GRIA1: variants seen among roughly 807,000 people sequenced by gnomAD.
The protein encoded by GRIA1 is glutamate receptor 1.
In GRIA1, 31 loss-of-function variants were observed where a neutral mutation model predicts 99.2. That is an observed-to-expected ratio of 0.31 (90% CI 0.23 to 0.42). The LOEUF is 0.42. Ranked by LOEUF, GRIA1 falls within the 10% of genes least tolerant of loss-of-function variation. The probability of loss-of-function intolerance (pLI) is 1.00; values close to 1 mark genes in which losing one functional copy is unlikely to be tolerated. For missense variants in GRIA1, 782 were observed against 1,157.5 expected (o/e 0.68, Z 4.71); for synonymous variants, 438 against 432.4 (o/e 1.01, Z -0.16).
intron 11 of GRIA1, among the ~76,000 whole-genome samples, chr5:153,761,710 G>C (rs1206325211): frequency 1.3e-5 from 2 of 152,114 alleles, no homozygotes; most frequent in African/African-American, 4.8e-5. Flanking sequence ...AGAGATATCT[G>C]GCACTTTCAT....
At chr5:153,569,960 C>CCTTA (rs1490125595) in intron 2 of GRIA1, among the ~76,000 whole-genome samples, 1 of 152,096 alleles carries the variant, frequency 6.6e-6, no homozygotes, top group Admixed American at 6.6e-5. Flanking sequence ...GCTTTATGAA[C>CCTTA]CTTAGGTTAC....
At chr5:153,686,376 AG>A in intron 8 of GRIA1, 47 bp downstream of exon 8, 1 of 1,433,164 alleles carries the variant, frequency 7.0e-7, no homozygotes, top group East Asian at 2.3e-5. Flanking sequence ...GAGGCTGAGC[AG>A]GGACTCTGGC....
rs966558077 is a variant in GRIA1, at chr5:153,699,171, A to G, written c.1452+98A>G. ...GTGGCCCTGCCCACAGATGTCTATG[A>G]AACCCTGTAATTGAGTGTTGTTGCT... is the stretch of plus-strand genomic sequence containing the variant. On this transcript the variant is annotated intron_variant, in intron 10 of 15. Transcript: ENST00000285900. 2.2e-5 allele frequency: 18 copies of G among 800,286 alleles called. No individual in the cohort carries two copies. In the Admixed American group the frequency reaches 2.6e-4, roughly 12 times the overall value. 49.6% of individuals were successfully genotyped at this position (800,286 alleles called of 1,614,324 possible).
chr5:153,673,887 T>C (rs182242484), intron 5 of GRIA1, among the ~76,000 whole-genome samples: 1 of 151,814 alleles, frequency 6.6e-6, no homozygotes, highest in East Asian at 1.9e-4. Flanking sequence ...CCTCATGGAG[T>C]GGTGAAAATT....
At chr5:153,550,756 A>AACTGAAATAATGT (rs1408223607) in intron 2 of GRIA1, among the ~76,000 whole-genome samples, 5 of 152,190 alleles carry the variant, frequency 3.3e-5, no homozygotes, top group African/African-American at 1.2e-4. Context: ...TGTAAGAATT[A>AACTGAAATAATGT]ACTGAAATAA....
chr5:153,705,863 G>T lies in GRIA1; in HGVS notation c.1619G>T (p.Trp540Leu). The T allele has an allele frequency of 6.2e-7, 1 of 1,613,840 alleles. No individual in the cohort carries two copies. Among genetic ancestry groups the T allele is most frequent in the Non-Finnish European group, 8.5e-7 (1 of 1,179,950 alleles). Residue 540 changes from tryptophan to leucine, a missense_variant, in exon 11 of 16, where the codon TGG becomes TTG. Trp to Leu is a moderately conservative substitution (Grantham distance 61, BLOSUM62 -2). Around this residue, in one of 5 missense-constraint regions of GRIA1, gnomAD observed 87 missense variants for 184.5 expected, o/e 0.47. Coordinates refer to ENST00000285900, the MANE Select transcript of GRIA1 (RefSeq NM_000827.4). ...SFLDPLAYEIWMCIVFAYIGV... is the reference protein window; with the variant it reads ...SFLDPLAYEILMCIVFAYIGV... The stretch of plus-strand genomic sequence containing the variant: ...CTTGATCCTTTGGCTTATGAGATTT[G>T]GATGTGCATTGTTTTTGCCTACATT...
intron 2 of GRIA1, among the ~76,000 whole-genome samples, chr5:153,509,651 C>A (rs1468704522): frequency 2.0e-5 from 3 of 152,132 alleles, no homozygotes; most frequent in African/African-American, 7.2e-5. Flanking sequence ...GAGATATCAT[C>A]CTCATTTTGG....
chr5:153,795,921 A>G (rs1407929712), intron 14 of GRIA1, among the ~76,000 whole-genome samples: 4 of 151,546 alleles, frequency 2.6e-5, no homozygotes, highest in Non-Finnish European at 4.4e-5. Flanking sequence ...TTAGCACACA[A>G]CCCAGGATGG....
rs1212103344 is a variant in GRIA1, at chr5:153,699,473, T to G, written c.1452+400T>G. On this transcript the variant is annotated intron_variant, in intron 10 of 15. Coordinates refer to ENST00000285900, the MANE Select transcript of GRIA1 (RefSeq NM_000827.4). ...CTAGTTACTTGCCTCTCTAGTTTCA[T>G]GCTCTCTCATGAAATTTCCAATTCA... 5.3e-5 allele frequency among the ~76,000 whole-genome samples: 8 copies of G among 152,360 alleles called. No homozygotes were observed. In the East Asian group the frequency reaches 1.5e-3, roughly 29 times the overall value.
intron 11 of GRIA1, among the ~76,000 whole-genome samples, chr5:153,742,294 G>A (rs1439139125): frequency 2.6e-5 from 4 of 152,078 alleles, no homozygotes; most frequent in East Asian, 1.9e-4. Flanking sequence ...TGGACAGGGC[G>A]GTGGATGACT....
chr5:153,750,426 G>T (rs1762435419), intron 11 of GRIA1, among the ~76,000 whole-genome samples: 1 of 152,174 alleles, frequency 6.6e-6, no homozygotes, highest in Non-Finnish European at 1.5e-5. Flanking sequence ...AGGCACACAG[G>T]AGGTGTCCCT....
At chr5:153,644,906 G>A (rs575170666) in intron 2 of GRIA1, among the ~76,000 whole-genome samples, 2 of 151,934 alleles carry the variant, frequency 1.3e-5, no homozygotes, top group African/African-American at 4.8e-5. Flanking sequence ...CAGGCAGCAA[G>A]GAGAAGACGG....
intron 14 of GRIA1, among the ~76,000 whole-genome samples, chr5:153,798,668 G>T (rs540381975): frequency 6.6e-6 from 1 of 152,314 alleles, no homozygotes; most frequent in South Asian, 2.1e-4. Flanking sequence ...ACGGCCAAAA[G>T]CCTTGGCTTC....
chr5:153,592,366 T>TTTGGGAG (rs1213253000), intron 2 of GRIA1, among the ~76,000 whole-genome samples: 1 of 152,168 alleles, frequency 6.6e-6, no homozygotes. Flanking sequence ...AGAGTCCAGG[T>TTTGGGAG]TTGGGAGTCA....
chr5:153,800,086 G>A (rs1046154801), intron 14 of GRIA1, among the ~76,000 whole-genome samples: 1 of 152,138 alleles, frequency 6.6e-6, no homozygotes, highest in African/African-American at 2.4e-5. Context: ...GTGACCAAAG[G>A]GGCAAGGTGT....
chr5:153,675,201 T>C (rs1756485187), intron 6 of GRIA1, among the ~76,000 whole-genome samples: 2 of 152,254 alleles, frequency 1.3e-5, no homozygotes, highest in Admixed American at 1.3e-4. Context: ...GGTTCTATTC[T>C]GGGCAGAGCC....
chr5:153,711,293 G>A (rs966692457), intron 11 of GRIA1, among the ~76,000 whole-genome samples: 3 of 152,224 alleles, frequency 2.0e-5, no homozygotes, highest in African/African-American at 7.2e-5. Context: ...CAGAGTGGAA[G>A]CAGAGGGACC....
intron 13 of GRIA1, among the ~76,000 whole-genome samples, chr5:153,779,131 G>T (rs1764473094): frequency 6.6e-6 from 1 of 152,142 alleles, no homozygotes; most frequent in Non-Finnish European, 1.5e-5. Context: ...CCAATGATGT[G>T]CTGGGCAATG....
chr5:153,701,619 C>CAAAAAAAAAAAAA (rs70978504), intron 10 of GRIA1, among the ~76,000 whole-genome samples: 1,052 of 39,320 alleles, frequency 0.027, 213 homozygotes, highest in Middle Eastern at 0.068. Flanking sequence ...AGACCCGTCT[C>CAAAAAAAAAAAAA]AAAAAAAAAA....
Sources: allele counts gnomAD v4.1 joint callset (sites outside exome capture counted in the v4.1 genomes callset), GRCh38; gene constraint gnomAD v4.1.1; regional missense constraint gnomAD v4.1.1; transcripts MANE v1.5; gene names NCBI Gene and HGNC (gene_info 2026-07-23, HGNC 2026-07-21).